DGKI: variants seen among roughly 807,000 people sequenced by gnomAD.
The protein encoded by DGKI is diacylglycerol kinase iota.
Under a neutral mutation model 147.5 loss-of-function variants are expected in DGKI, and 55 were observed. The observed-to-expected ratio is 0.37, with a 90% confidence interval of 0.30 to 0.47. DGKI has a LOEUF of 0.47. DGKI is among the 20% of genes least tolerant of loss of function. The probability of loss-of-function intolerance (pLI) is 1.00; values close to 1 mark genes in which losing one functional copy is unlikely to be tolerated. For synonymous variants in DGKI, 469 were observed against 477.1 expected (o/e 0.98, Z 0.22); for missense variants, 1,007 against 1,323.8 (o/e 0.76, Z 3.71).
chr7:137,567,856 T>A lies in DGKI; in HGVS notation c.1947+3319A>T, dbSNP rs985812860. On this transcript the variant is annotated intron_variant, in intron 19 of 32. Transcript: ENST00000614521. ...TTCGAATTATTGATGGATAAAATGA[T>A]ATATATGCTATGCATATGATGTATA... 3.3e-5 allele frequency among the ~76,000 whole-genome samples: 5 copies of A among 152,330 alleles called. No individual in the cohort carries two copies. In the East Asian group the frequency reaches 9.6e-4, roughly 29 times the overall value.
At chr7:137,752,265 CA>C (rs3839667) in intron 1 of DGKI, among the ~76,000 whole-genome samples, 6,509 of 141,884 alleles carry the variant, frequency 0.046, 298 homozygotes, top group East Asian at 0.15. Flanking sequence ...ATCAACAATA[CA>C]AAAAAAAAAA....
At chr7:137,417,776 A>G (rs1227712086) in intron 28 of DGKI, among the ~76,000 whole-genome samples, 1 of 152,204 alleles carries the variant, frequency 6.6e-6, no homozygotes, top group African/African-American at 2.4e-5. Context: ...GAGCCTTGAG[A>G]AAGCTGCCTG....
intron 6 of DGKI, among the ~76,000 whole-genome samples, chr7:137,626,667 T>A (rs189487182): frequency 1.1e-3 from 161 of 152,222 alleles, no homozygotes; most frequent in African/African-American, 3.7e-3. Flanking sequence ...CAGCGACACC[T>A]TGTGGCTACT....
intron 1 of DGKI, among the ~76,000 whole-genome samples, chr7:137,724,590 TA>T (rs1309273234): frequency 6.6e-6 from 1 of 152,088 alleles, no homozygotes; most frequent in Non-Finnish European, 1.5e-5. Context: ...GAATTGTTGG[TA>T]AAAAAGAAAA....
intron 1 of DGKI, among the ~76,000 whole-genome samples, chr7:137,803,618 T>C (rs1459332283): frequency 2.0e-5 from 3 of 152,248 alleles, no homozygotes; most frequent in African/African-American, 7.2e-5. Context: ...TAACATTTCA[T>C]GTCATTTTGA....
chr7:137,459,360 G>A (rs950496503), intron 27 of DGKI, among the ~76,000 whole-genome samples: 1 of 151,846 alleles, frequency 6.6e-6, no homozygotes, highest in Non-Finnish European at 1.5e-5. Flanking sequence ...GAGGAAGAAT[G>A]ATATGGGGAA....
At chr7:137,401,795 T>A (rs892648950) in intron 30 of DGKI, among the ~76,000 whole-genome samples, 5 of 152,156 alleles carry the variant, frequency 3.3e-5, no homozygotes, top group Admixed American at 1.3e-4. Flanking sequence ...AAAAATACTA[T>A]AAAATCCCTA....
chr7:137,587,079 C>T lies in DGKI; in HGVS notation c.1425+18G>A. On this transcript the variant is annotated intron_variant, in intron 13 of 32. Coordinates refer to ENST00000614521, the MANE Select transcript of DGKI (RefSeq NM_001321708.2). ...TTGTTGTTTGATGATATGGGCAGTC[C>T]CCGAGAGCAGTTCTTACCCCTCCCC... is the stretch of plus-strand genomic sequence containing the variant. 5.1e-6 allele frequency: 8 copies of T among 1,554,384 alleles called. No individual in the cohort carries two copies. The highest frequency in any genetic ancestry group is 7.0e-6 in the Non-Finnish European group (8 of 1,149,870).
chr7:137,408,041 C>T, intron 29 of DGKI, 46 bp from the exon 30 acceptor site: 1 of 1,608,006 alleles, frequency 6.2e-7, no homozygotes, highest in Non-Finnish European at 8.5e-7. Context: ...GAATTCGGAA[C>T]AAGGATAACA....
At chr7:137,608,641 A>T (rs1820263063) in intron 10 of DGKI, among the ~76,000 whole-genome samples, 1 of 152,210 alleles carries the variant, frequency 6.6e-6, no homozygotes, top group South Asian at 2.1e-4. Flanking sequence ...AACTATAAGA[A>T]TTGAGGAATC....
At chr7:137,692,562 T>C (rs1185771801) in intron 1 of DGKI, among the ~76,000 whole-genome samples, 3 of 152,178 alleles carry the variant, frequency 2.0e-5, no homozygotes, top group African/African-American at 7.2e-5. Flanking sequence ...TCAGAACTTG[T>C]AGACTCTGAC....
intron 1 of DGKI, among the ~76,000 whole-genome samples, chr7:137,717,542 C>G (rs1794416992): frequency 1.3e-5 from 2 of 152,116 alleles, no homozygotes; most frequent in African/African-American, 4.8e-5. Flanking sequence ...CCGTTTACAA[C>G]TGAAAGCAGG....
chr7:137,643,990 G>T (rs1438451765), intron 6 of DGKI, among the ~76,000 whole-genome samples: 2 of 152,102 alleles, frequency 1.3e-5, no homozygotes, highest in Non-Finnish European at 2.9e-5. Flanking sequence ...CCCGGCTGCA[G>T]CATACTGTTA....
At chr7:137,711,452 CAT>C (rs1304009185) in intron 1 of DGKI, among the ~76,000 whole-genome samples, 1 of 152,084 alleles carries the variant, frequency 6.6e-6, no homozygotes, top group African/African-American at 2.4e-5. Flanking sequence ...TAGAACAAAA[CAT>C]ATGAAACTCA....
intron 16 of DGKI, among the ~76,000 whole-genome samples, chr7:137,577,768 T>TTAC (rs1384591557): frequency 4.6e-5 from 7 of 152,290 alleles, no homozygotes; most frequent in Non-Finnish European, 8.8e-5. Flanking sequence ...CATTCTCTAT[T>TTAC]TACTACTATG....
chr7:137,467,009 C>A, intron 24 of DGKI, 67 bp from the exon 25 acceptor site: 4 of 1,493,226 alleles, frequency 2.7e-6, no homozygotes, highest in Non-Finnish European at 2.8e-6. Flanking sequence ...TTATAACCTT[C>A]TCTTCGACTA....
chr7:137,416,649 T>C (rs1365827616), intron 28 of DGKI, among the ~76,000 whole-genome samples: 1 of 152,164 alleles, frequency 6.6e-6, no homozygotes, highest in Non-Finnish European at 1.5e-5. Context: ...TCCTTAAGCA[T>C]GTCAGTGTGA....
At chr7:137,451,286 T>C (rs951410157) in intron 27 of DGKI, among the ~76,000 whole-genome samples, 5 of 152,186 alleles carry the variant, frequency 3.3e-5, no homozygotes, top group African/African-American at 1.2e-4. Flanking sequence ...AGCTATAATA[T>C]CTTGGAATGA....
intron 28 of DGKI, among the ~76,000 whole-genome samples, chr7:137,423,830 C>T (rs1812675070): frequency 6.6e-6 from 1 of 152,176 alleles, no homozygotes; most frequent in Non-Finnish European, 1.5e-5. Flanking sequence ...AGCATACCCT[C>T]ACTTATTATT....
Sources: gnomAD v4.1 joint callset for allele counts (sites outside exome capture counted in the v4.1 genomes callset) on GRCh38, gnomAD v4.1.1 for gene constraint, MANE v1.5 for transcripts, NCBI Gene and HGNC (gene_info 2026-07-23, HGNC 2026-07-21) for gene names.